The following CLPX variants were observed in gnomAD, a reference collection of about 807,000 sequenced individuals.
The protein encoded by CLPX is ATP-dependent clpX-like chaperone, mitochondrial.
CLPX carries 34 observed loss-of-function variants against 76.4 expected under a neutral mutation model. The observed-to-expected ratio is 0.45, with a 90% confidence interval of 0.34 to 0.59. The LOEUF is 0.59. Ranked by LOEUF, CLPX falls within the 20% of genes least tolerant of loss-of-function variation. CLPX has a pLI of 0.01. For synonymous variants in CLPX, 248 were observed against 270.9 expected (o/e 0.92, Z 0.83); for missense variants, 613 against 757.0 (o/e 0.81, Z 2.23).
chr15:65,180,920 A>T (rs1211117293), intron 1 of CLPX, among the ~76,000 whole-genome samples: 2 of 149,942 alleles, frequency 1.3e-5, no homozygotes, highest in Non-Finnish European at 3.0e-5. Flanking sequence ...AAAAAAAAAA[A>T]TCTGTAACAA....
At chr15:65,166,473 C>T (rs1213404184) in intron 4 of CLPX, among the ~76,000 whole-genome samples, 158 bp downstream of exon 4, 1 of 152,088 alleles carries the variant, frequency 6.6e-6, no homozygotes, top group African/African-American at 2.4e-5. Context: ...TATTTAAATT[C>T]CAAAAGGCAA....
intron 13 of CLPX, among the ~76,000 whole-genome samples, chr15:65,151,985 A>G (rs1429015780): frequency 6.6e-6 from 1 of 152,120 alleles, no homozygotes; most frequent in African/African-American, 2.4e-5. Flanking sequence ...GCTGGAGTGC[A>G]GTGGTGCGAT....
At chr15:65,172,527 G>T (rs2088024465) in intron 3 of CLPX, among the ~76,000 whole-genome samples, 1 of 152,094 alleles carries the variant, frequency 6.6e-6, no homozygotes, top group South Asian at 2.1e-4. Flanking sequence ...CAGCTACTCA[G>T]GAGCCTGAGG....
chr15:65,178,149 G>A (rs935622325), intron 3 of CLPX, among the ~76,000 whole-genome samples: 3 of 151,980 alleles, frequency 2.0e-5, no homozygotes, highest in African/African-American at 4.8e-5. Context: ...GATGCTTCCC[G>A]GAATTGAGGG....
chr15:65,162,659 T>C lies in CLPX; in HGVS notation c.674-14A>G, dbSNP rs759457082. 2 of 1,513,846 alleles carry C rather than the reference T, an allele frequency of 1.3e-6. No individual in the cohort carries two copies. The highest frequency in any genetic ancestry group is 1.1e-5 in the South Asian group (1 of 86,988). The allele number at this position is 1,513,846 out of a possible 1,614,324, so 93.8% of individuals were successfully genotyped here. A position where few individuals can be genotyped will look rare whatever the true frequency, so the allele number is the denominator to read the frequency against. On this transcript the variant is annotated splice_polypyrimidine_tract_variant and intron_variant, in intron 5 of 13. Coordinates refer to ENST00000300107, the MANE Select transcript of CLPX (RefSeq NM_006660.5). ...TTATTTCTAACTCTAAGAAAGAGGA[T>C]GAAAATATTACATATTTGTTTACCT...
chr15:65,179,245 T>C (rs1458062244), intron 2 of CLPX, among the ~76,000 whole-genome samples, 194 bp from the exon 3 acceptor site: 1 of 152,234 alleles, frequency 6.6e-6, no homozygotes, highest in African/African-American at 2.4e-5. Flanking sequence ...TCAGTTCTAG[T>C]AAATACATAT....
chr15:65,185,150 G>T lies in CLPX; in HGVS notation c.4C>A (p.Pro2Thr), dbSNP rs1023923088. The T allele has an allele frequency of 7.7e-6, 12 of 1,565,234 alleles. No homozygotes were observed. The highest frequency in any genetic ancestry group is 9.5e-6 in the Non-Finnish European group (11 of 1,154,714). Residue 2 changes from proline (P) to threonine (T), a missense_variant, in exon 1 of 14, where the codon CCC (proline) becomes ACC (threonine). By Grantham distance (38) the Pro-to-Thr change is conservative (BLOSUM62 -1). This residue lies in a region of CLPX where 163 missense variants were observed against 118.4 expected (regional missense o/e 1.38). Transcript: ENST00000300107. ...CCGCAAGTACAAGCACCGCAGCTGG[G>T]CATCTCCGCGAGGCCTAGGCCGGGG... M[P>T]SCGACTCGAA...
In CLPX at chr15:65,153,606, C is replaced by T. The variant is rs774210802; in HGVS notation, c.1645G>A (p.Ala549Thr). Reference protein sequence around the residue: ...ELNVTEDALKAIARLALERKT... With the variant: ...ELNVTEDALKTIARLALERKT... ...CGTTCTAGTGCCAATCTGGCTATAGCTTTCAAAGCATCCTCAGTAACATTC... is the reference window on the plus strand; with the variant it reads ...CGTTCTAGTGCCAATCTGGCTATAGTTTTCAAAGCATCCTCAGTAACATTC... The change falls in exon 12 of 14, where the codon GCT becomes ACT. Residue 549 changes from alanine to threonine, a missense_variant. Ala to Thr is a moderately conservative substitution (Grantham distance 58). Around this residue, in one of 2 missense-constraint regions of CLPX, gnomAD observed 450 missense variants for 638.6 expected, o/e 0.70. Coordinates refer to ENST00000300107, the MANE Select transcript of CLPX (RefSeq NM_006660.5). The T allele has an allele frequency of 4.4e-6, 7 of 1,592,914 alleles. No individual in the cohort carries two copies. Among genetic ancestry groups the T allele is most frequent in the Non-Finnish European group, 6.0e-6 (7 of 1,171,480 alleles).
chr15:65,181,995 C>T (rs1402686550), intron 1 of CLPX, among the ~76,000 whole-genome samples: 1 of 151,008 alleles, frequency 6.6e-6, no homozygotes, highest in Admixed American at 6.6e-5. Context: ...TGGTGACACG[C>T]GCCTGTAGTC....
At chr15:65,165,469 C>T (rs1049591622) in intron 4 of CLPX, among the ~76,000 whole-genome samples, 4 of 149,052 alleles carry the variant, frequency 2.7e-5, no homozygotes, top group East Asian at 2.0e-4. Flanking sequence ...CTGCAAGCTC[C>T]GCCTCCCGGG....
chr15:65,181,447 T>TTA (rs1427365236), intron 1 of CLPX, among the ~76,000 whole-genome samples: 1 of 152,064 alleles, frequency 6.6e-6, no homozygotes, highest in Non-Finnish European at 1.5e-5. Context: ...TATATGTATC[T>TTA]TACCACAATA....
At chr15:65,166,881 T>A in intron 3 of CLPX, 96 bp from the exon 4 acceptor site, 1 of 1,202,604 alleles carries the variant, frequency 8.3e-7, no homozygotes, top group Non-Finnish European at 1.1e-6. Flanking sequence ...GCTACGCACC[T>A]GACAAAAAGT....
In CLPX at chr15:65,167,429, T is replaced by TAA. The variant is rs2087931068; in HGVS notation, c.359-645_359-644insTT. 3.3e-5 allele frequency among the ~76,000 whole-genome samples: 5 copies of TAA among 152,270 alleles called. No homozygotes were observed. In the South Asian group the frequency reaches 1.0e-3, roughly 32 times the overall value. ...GGAGTAATCATCTATTTTATTGAAA[T>TAA]ACTTGAATGAACAAACTAAAAAAGT... On this transcript the variant is annotated intron_variant, in intron 3 of 13. Transcript: ENST00000300107.
At chr15:65,184,334 G>C (rs985644206) in intron 1 of CLPX, 2 of 152,206 alleles carry the variant, frequency 1.3e-5, no homozygotes, top group Non-Finnish European at 2.9e-5. Context: ...GAAAGAAAAG[G>C]TAAACAACAT....
At chr15:65,157,028 T>C (rs2087798810) in intron 8 of CLPX, 96 bp from the exon 9 acceptor site, 2 of 713,140 alleles carry the variant, frequency 2.8e-6, no homozygotes, top group South Asian at 3.7e-5. Flanking sequence ...AACAAAGTTA[T>C]TTGATCTTTC....
chr15:65,178,913 A>G (rs1566986843), intron 3 of CLPX, 21 bp downstream of exon 3: 1 of 1,264,944 alleles, frequency 7.9e-7, no homozygotes, highest in East Asian at 2.4e-5. Context: ...AAAAAAGAAC[A>G]GTAGAAGATG....
chr15:65,166,509 T>C, intron 4 of CLPX, 122 bp downstream of exon 4: 1 of 1,045,526 alleles, frequency 9.6e-7, no homozygotes, highest in Non-Finnish European at 1.4e-6. Context: ...ATATGGTCCA[T>C]ATTATGAACC....
intron 3 of CLPX, among the ~76,000 whole-genome samples, chr15:65,175,894 G>A (rs1366080202): frequency 1.3e-5 from 2 of 152,156 alleles, no homozygotes; most frequent in African/African-American, 2.4e-5. Context: ...AAGGGAGGAG[G>A]GGCTCACTGC....
At chr15:65,185,030 C>CCA in intron 1 of CLPX, 45 bp downstream of exon 1, 3 of 1,489,996 alleles carry the variant, frequency 2.0e-6, no homozygotes, top group Non-Finnish European at 2.7e-6. Flanking sequence ...CAGTCCACCC[C>CCA]CCCCCCGACA....
Sources: allele counts gnomAD v4.1 joint callset (sites outside exome capture counted in the v4.1 genomes callset), GRCh38; gene constraint gnomAD v4.1.1; regional missense constraint gnomAD v4.1.1; transcripts MANE v1.5; gene names NCBI Gene and HGNC (gene_info 2026-07-23, HGNC 2026-07-21).